Variants in DMXL2 observed in about 807,000 individuals in gnomAD.
The protein encoded by DMXL2 is Dmx like 2.
Under a neutral mutation model 331.1 loss-of-function variants are expected in DMXL2, and 103 were observed. The ratio of observed to expected loss-of-function variants is 0.31; its 90% confidence interval spans 0.27 to 0.37. DMXL2 has a LOEUF of 0.37. Among genes scored for constraint, DMXL2 ranks in the 10% least tolerant of loss-of-function variants. The pLI, the probability that DMXL2 is intolerant of heterozygous loss-of-function variation, is 1.00. For missense variants in DMXL2, 3,171 were observed against 3,642.9 expected (o/e 0.87, Z 3.33); for synonymous variants, 1,281 against 1,252.1 (o/e 1.02, Z -0.49).
At chr15:51,594,479 AG>A (rs1414219779) in intron 1 of DMXL2, among the ~76,000 whole-genome samples, 5 of 152,242 alleles carry the variant, frequency 3.3e-5, no homozygotes, top group Admixed American at 3.3e-4. Flanking sequence ...AAATTCTACC[AG>A]AGGTACAAGG....
At chr15:51,546,534 A>C (rs1202936164) in intron 7 of DMXL2, among the ~76,000 whole-genome samples, 4 of 152,136 alleles carry the variant, frequency 2.6e-5, no homozygotes, top group Non-Finnish European at 4.4e-5. Flanking sequence ...ACCCTCCCTC[A>C]AGAACAAACT....
chr15:51,567,456 A>T (rs944175656), intron 3 of DMXL2: 5 of 152,200 alleles, frequency 3.3e-5, no homozygotes, highest in Non-Finnish European at 7.3e-5. Context: ...TGCTGTAAAA[A>T]AATTTTTAAA....
intron 1 of DMXL2, among the ~76,000 whole-genome samples, chr15:51,589,124 G>C (rs2052092602): frequency 1.3e-5 from 2 of 152,150 alleles, no homozygotes; most frequent in Admixed American, 6.5e-5. Context: ...GAAAAGATGA[G>C]CTAAGCCAAT....
At position 51,448,795 on chromosome 15, in the gene DMXL2, T is replaced by C; in HGVS notation, c.*189A>G. On this transcript the variant is annotated 3_prime_UTR_variant, in exon 44 of 44. Transcript: ENST00000560891. ...ATACTAGGTTTTATTTTTTTTAGTA[T>C]GTCAGCATAATAAGGTACATGCGCA... is the stretch of plus-strand genomic sequence containing the variant. 1 of 615,490 alleles carries C rather than the reference T, an allele frequency of 1.6e-6. No individual in the cohort carries two copies. Among genetic ancestry groups the C allele is most frequent in the East Asian group, 2.8e-5 (1 of 36,202 alleles). The allele number at this position is 615,490 out of a possible 1,614,324, so 38.1% of individuals were successfully genotyped here. A position where few individuals can be genotyped will look rare whatever the true frequency, so the allele number is the denominator to read the frequency against.
chr15:51,622,377 A>G, intron 1 of DMXL2, 82 bp downstream of exon 1: 1 of 1,529,454 alleles, frequency 6.5e-7, no homozygotes, highest in Admixed American at 2.0e-5. Flanking sequence ...CCTCCTGAGG[A>G]GGCGTGCGCC....
At chr15:51,512,052 G>A (rs1389865809) in intron 15 of DMXL2, among the ~76,000 whole-genome samples, 1 of 152,016 alleles carries the variant, frequency 6.6e-6, no homozygotes, top group Non-Finnish European at 1.5e-5. Flanking sequence ...GGGGTGGGGG[G>A]CTAAGAGAGG....
Position 51,458,700 on chromosome 15 carries a change from A to T in DMXL2, c.8076+9T>A, listed in dbSNP as rs769865211. ...GAAATACACTGTGTATAATGATGAG[A>T]GCTTTTACCTTATTAACAGAAAATG... is the stretch of plus-strand genomic sequence containing the variant. On this transcript the variant is annotated intron_variant, in intron 35 of 43. Transcript: ENST00000560891. 51 of 1,613,854 alleles carry T rather than the reference A, an allele frequency of 3.2e-5. 1 individual carries two copies. In the South Asian group the frequency reaches 3.2e-4, roughly 10 times the overall value.
intron 9 of DMXL2, among the ~76,000 whole-genome samples, chr15:51,539,298 G>C (rs925617992): frequency 2.3e-4 from 35 of 152,022 alleles, no homozygotes; most frequent in African/African-American, 8.2e-4. Context: ...TAAAGCAACT[G>C]TGGCAAAATG....
chr15:51,493,288 A>C (rs1461071255), intron 19 of DMXL2, among the ~76,000 whole-genome samples: 3 of 152,196 alleles, frequency 2.0e-5, no homozygotes, highest in Non-Finnish European at 4.4e-5. Context: ...TAAAATATAT[A>C]ATATAAAATG....
Position 51,488,532 on chromosome 15 carries a change from T to C in DMXL2, c.5051+16A>G. 6.3e-7 allele frequency: 1 copy of C among 1,598,922 alleles called. No homozygotes were observed. Among genetic ancestry groups the C allele is most frequent in the Non-Finnish European group, 8.6e-7 (1 of 1,168,534 alleles). On this transcript the variant is annotated intron_variant, in intron 21 of 43. Coordinates refer to ENST00000560891, the MANE Select transcript of DMXL2 (RefSeq NM_001378457.1). ...CTTCATTCTGTTGAATCACGTTAAG[T>C]GTCAAGGCAACTTACCTAAACAGAC...
At chr15:51,586,024 T>C (rs2051796009) in intron 1 of DMXL2, among the ~76,000 whole-genome samples, 1 of 152,184 alleles carries the variant, frequency 6.6e-6, no homozygotes, top group South Asian at 2.1e-4. Flanking sequence ...TTGAATAAGT[T>C]CTTTTGTCCA....
intron 1 of DMXL2, among the ~76,000 whole-genome samples, chr15:51,581,983 T>C (rs2051457978): frequency 6.6e-6 from 1 of 152,086 alleles, no homozygotes; most frequent in African/African-American, 2.4e-5. Flanking sequence ...ATATCAAGAG[T>C]GTTACTATTA....
intron 15 of DMXL2, among the ~76,000 whole-genome samples, chr15:51,510,447 T>G (rs1163250425): frequency 6.6e-6 from 1 of 152,124 alleles, no homozygotes; most frequent in East Asian, 1.9e-4. Flanking sequence ...TGAACTCCCA[T>G]TCACAATTGC....
chr15:51,498,980 T>C lies in DMXL2; in HGVS notation c.4244A>G (p.Asp1415Gly), dbSNP rs770608099. ...TATCTCAGTATAATCTCGAGTACCA[T>C]CTTTTCCTACGGTGACTGTTTCCTT... is the stretch of plus-strand genomic sequence containing the variant. ...TAKETVTVGKDGTRDYTEIDS... is the reference protein window; with the variant it reads ...TAKETVTVGKGGTRDYTEIDS... The change falls in exon 18 of 44, where the codon GAT becomes GGT. Residue 1415 changes from aspartate (D) to glycine (G), a missense_variant. By Grantham distance (94) the Asp-to-Gly change is moderately conservative (BLOSUM62 -1). Around this residue, in one of 7 missense-constraint regions of DMXL2, gnomAD observed 1,674 missense variants for 1,780.2 expected, o/e 0.94. Coordinates refer to ENST00000560891, the MANE Select transcript of DMXL2 (RefSeq NM_001378457.1). 15 of 1,614,086 alleles carry C rather than the reference T, an allele frequency of 9.3e-6. No individual in the cohort carries two copies. In the South Asian group the frequency reaches 1.3e-4, roughly 14 times the overall value.
At chr15:51,611,535 T>C (rs1444484520) in intron 1 of DMXL2, among the ~76,000 whole-genome samples, 1 of 152,250 alleles carries the variant, frequency 6.6e-6, no homozygotes, top group Admixed American at 6.5e-5. Flanking sequence ...GATTTTCTCT[T>C]TCTTCAGCAT....
chr15:51,489,131 A>G (rs1275513489), intron 20 of DMXL2, among the ~76,000 whole-genome samples: 1 of 152,222 alleles, frequency 6.6e-6, no homozygotes, highest in African/African-American at 2.4e-5. Context: ...TGAAAATTCA[A>G]CATGTTATAT....
rs1422641410 is a variant in DMXL2 at position 51,502,305 on chromosome 15, T to TG, written c.2992+500_2992+501insC. Among the ~76,000 whole-genome samples the TG allele has an allele frequency of 3.4e-4, 45 of 132,190 alleles. No homozygotes were observed. In the East Asian group the frequency reaches 3.8e-3, roughly 11 times the overall value. The allele number at this position is 132,190 out of a possible 152,430, so 86.7% of individuals were successfully genotyped here. The stretch of plus-strand genomic sequence containing the variant: ...CATTTATCACAGGAAATTTTGTGGG[T>TG]TTGTGTGTGTGTGTGTGTGTGTGTG... On this transcript the variant is annotated intron_variant, in intron 17 of 43. Transcript: ENST00000560891.
chr15:51,465,510 A>G (rs1488213013), intron 31 of DMXL2, 56 bp downstream of exon 31: 4 of 1,282,976 alleles, frequency 3.1e-6, no homozygotes. Context: ...TGTAAAGAGA[A>G]ACTTGACGGC....
At chr15:51,534,994 T>G (rs1240856801) in intron 13 of DMXL2, among the ~76,000 whole-genome samples, 1 of 152,196 alleles carries the variant, frequency 6.6e-6, no homozygotes, top group Non-Finnish European at 1.5e-5. Context: ...ATTAATAAGC[T>G]CTCTCTTCAG....
Sources: gnomAD v4.1 joint callset for allele counts (sites outside exome capture counted in the v4.1 genomes callset) on GRCh38, gnomAD v4.1.1 for gene constraint, gnomAD v4.1.1 regional missense constraint, MANE v1.5 for transcripts, NCBI Gene and HGNC (gene_info 2026-07-23, HGNC 2026-07-21) for gene names.